HERC2: variants seen among roughly 807,000 people sequenced by gnomAD.
The protein encoded by HERC2 is E3 ubiquitin-protein ligase HERC2.
A neutral mutation model predicts 537.7 loss-of-function variants in HERC2; 102 were observed. That is an observed-to-expected ratio of 0.19 (90% CI 0.16 to 0.22). The LOEUF (loss-of-function observed/expected upper bound fraction) is 0.22. Ranked by LOEUF, HERC2 falls within the 10% of genes least tolerant of loss-of-function variation. HERC2 has a pLI of 1.00. For missense variants in HERC2, 4,236 were observed against 6,198.2 expected (o/e 0.68, Z 10.63); for synonymous variants, 2,224 against 2,466.2 (o/e 0.90, Z 2.91).
At chr15:28,225,883 G>A (rs61146234) in intron 35 of HERC2, among the ~76,000 whole-genome samples, 11,430 of 152,006 alleles carry the variant, frequency 0.075, 1,479 homozygotes, top group African/African-American at 0.26. Flanking sequence ...TAAATTACCC[G>A]AACTGACTCA....
rs1028288068 is a variant in HERC2, at chr15:28,311,161, T to C, written c.72+10201A>G. On this transcript the variant is annotated intron_variant, in intron 2 of 92. Transcript: ENST00000261609. ...GACAGTAGAAGTCAAGACAGGGAAG[T>C]ACAGTCTTTAAGATTATTTCAGGCA... Among the ~76,000 whole-genome samples the C allele has an allele frequency of 2.2e-5, 3 of 133,408 alleles. No homozygotes were observed. In the Admixed American group the frequency reaches 2.3e-4, roughly 10 times the overall value. 87.5% of individuals were successfully genotyped at this position (133,408 alleles called of 152,430 possible). A position where few individuals can be genotyped will look rare whatever the true frequency, so the allele number is the denominator to read the frequency against.
At chr15:28,130,737 T>C (rs1007996072) in intron 81 of HERC2, 143 bp from the exon 82 acceptor site, 1 of 707,202 alleles carries the variant, frequency 1.4e-6, no homozygotes, top group South Asian at 1.7e-5. Flanking sequence ...TAAAATCATA[T>C]TCCACTTAAT....
In HERC2 at chr15:28,111,745, C is replaced by T. The variant is rs868222955; in HGVS notation, c.*18G>A. 9 of 1,610,826 alleles carry T rather than the reference C, an allele frequency of 5.6e-6. No individual in the cohort carries two copies. Among genetic ancestry groups the T allele is most frequent in the Middle Eastern group, 3.3e-4 (2 of 6,046 alleles). On this transcript the variant is annotated 3_prime_UTR_variant, in exon 93 of 93. Coordinates refer to ENST00000261609, the MANE Select transcript of HERC2 (RefSeq NM_004667.6). ...CTGCCTGGCTCAGGCTCTCATCTCA[C>T]GAGGACGTTTCCCCATCTTAGTGTC...
chr15:28,257,352 C>A, intron 16 of HERC2, 91 bp from the exon 17 acceptor site: 2 of 1,040,260 alleles, frequency 1.9e-6, no homozygotes, highest in Non-Finnish European at 2.9e-6. Context: ...ATGGAGCTGC[C>A]TTATACTATT....
chr15:28,277,617 T>C (rs1197874412), intron 5 of HERC2, among the ~76,000 whole-genome samples: 1 of 152,098 alleles, frequency 6.6e-6, no homozygotes, highest in Non-Finnish European at 1.5e-5. Context: ...GCTGAGGGAA[T>C]TCAGTTTGAT....
chr15:28,193,700 A>G (rs1487760454), intron 52 of HERC2, among the ~76,000 whole-genome samples: 1 of 152,204 alleles, frequency 6.6e-6, no homozygotes, highest in Non-Finnish European at 1.5e-5. Context: ...TGAAAAGCAG[A>G]CGAAGGAAAA....
intron 2 of HERC2, among the ~76,000 whole-genome samples, chr15:28,314,818 G>A (rs1337208653): frequency 1.4e-4 from 21 of 150,972 alleles, no homozygotes; most frequent in Admixed American, 2.6e-4. Flanking sequence ...CCAAGATCGC[G>A]CCACTGCACT....
rs1051861030 is a variant in HERC2, at chr15:28,176,538, G to A, written c.9576C>T (p.Gly3192=). 13 of 1,614,062 alleles carry A rather than the reference G, an allele frequency of 8.1e-6. No homozygotes were observed. In the Admixed American group the frequency reaches 1.0e-4, roughly 12 times the overall value. Residue 3192 remains glycine, a synonymous_variant, in exon 63 of 93, where the codon GGC becomes GGT. Transcript: ENST00000261609. The surrounding 1 kb of genome is among the most constrained non-coding windows in gnomAD (Gnocchi z 5.0). ...FGKLGRGGSE[G]CNIPQNIERL... is the part of the protein sequence containing the mutation. Reference sequence around the variant, plus strand: ...TCTCAATGTTCTGGGGAATGTTACAGCCTTCACTTCCGCCCCGGCCCAGTT... The same window carrying A: ...TCTCAATGTTCTGGGGAATGTTACAACCTTCACTTCCGCCCCGGCCCAGTT...
In HERC2 at chr15:28,222,033, C is replaced by T. The variant is rs760780779; in HGVS notation, c.5647G>A (p.Asp1883Asn). The T allele has an allele frequency of 4.3e-6, 5 of 1,164,502 alleles. No individual in the cohort carries two copies. Among genetic ancestry groups the T allele is most frequent in the Admixed American group, 1.7e-5 (1 of 59,492 alleles). 72.1% of individuals were successfully genotyped at this position (1,164,502 alleles called of 1,614,324 possible). ...CACATCAAATCTCTGAGTACCTGATCGCCCCATTTCCAGTCCACACCTCTC... is the reference window on the plus strand; with the variant it reads ...CACATCAAATCTCTGAGTACCTGATTGCCCCATTTCCAGTCCACACCTCTC... ...VMRGVDWKWGDQDGPPPGLGR... is the reference protein window; with the variant it reads ...VMRGVDWKWGNQDGPPPGLGR... The change falls in exon 36 of 93, where the codon GAT becomes AAT. Residue 1883 changes from aspartate to asparagine, a missense_variant. Coordinates refer to ENST00000261609, the MANE Select transcript of HERC2 (RefSeq NM_004667.6).
In HERC2 at chr15:28,322,139, G is replaced by A. The variant is rs1346794061; in HGVS notation, c.-96C>T. 1 of 66,326 alleles carries A rather than the reference G, an allele frequency of 1.5e-5. No individual in the cohort carries two copies. Among genetic ancestry groups the A allele is most frequent in the Non-Finnish European group, 2.9e-5 (1 of 34,952 alleles). 4.1% of individuals were successfully genotyped at this position (66,326 alleles called of 1,614,324 possible). On this transcript the variant is annotated 5_prime_UTR_variant, in exon 1 of 93. Coordinates refer to ENST00000261609, the MANE Select transcript of HERC2 (RefSeq NM_004667.6). ...CGGACGCAGCCTCCCAAGAGCCGCT[G>A]GCTCAGCCGGCGCCCGCGATCCCGG...
chr15:28,272,102 C>G (rs2075745843), intron 9 of HERC2, 113 bp downstream of exon 9: 4 of 988,366 alleles, frequency 4.0e-6, no homozygotes, highest in Non-Finnish European at 5.9e-6. Flanking sequence ...CTATTACCAC[C>G]AAACACACAC....
intron 57 of HERC2, among the ~76,000 whole-genome samples, chr15:28,179,933 A>T (rs988762953): frequency 2.6e-4 from 40 of 152,262 alleles, no homozygotes; most frequent in African/African-American, 8.9e-4. Flanking sequence ...TAAAAAGTGA[A>T]AAGTTCATAA....
At chr15:28,290,164 A>G (rs1427448333) in intron 4 of HERC2, among the ~76,000 whole-genome samples, 3 of 152,248 alleles carry the variant, frequency 2.0e-5, no homozygotes, top group South Asian at 4.1e-4. Context: ...AAACTAATGC[A>G]GTAAGCCAAC....
At chr15:28,225,840 A>G (rs1326069027) in intron 35 of HERC2, among the ~76,000 whole-genome samples, 2 of 152,212 alleles carry the variant, frequency 1.3e-5, no homozygotes, top group Non-Finnish European at 2.9e-5. Context: ...CAAATAAAAT[A>G]GCCTAGATAA....
At chr15:28,179,418 G>A (rs1035842156) in intron 57 of HERC2, among the ~76,000 whole-genome samples, 195 bp from the exon 58 acceptor site, 1 of 152,200 alleles carries the variant, frequency 6.6e-6, no homozygotes, top group Admixed American at 6.5e-5. Flanking sequence ...CTGCCTAGTG[G>A]TGTCCTGGCC....
Position 28,111,922 on chromosome 15 carries a change from C to G in HERC2, c.14346G>C (p.Lys4782Asn). The change falls in exon 93 of 93, where the codon AAG becomes AAC. Residue 4782 changes from lysine to asparagine, a missense_variant. Lys to Asn is a moderately conservative substitution (Grantham distance 94, BLOSUM62 0). Around this residue, in one of 27 missense-constraint regions of HERC2, gnomAD observed 313 missense variants for 462.6 expected, o/e 0.68. Transcript: ENST00000261609. Reference protein sequence around the residue: ...SCKQVLEEKLKYAIHFCKSID... With the variant: ...SCKQVLEEKLNYAIHFCKSID... ...TGGACTTGCAGAAGTGGATGGCGTA[C>G]TTGAGCTTCTCCTCCAGCACCTGCT... is the stretch of plus-strand genomic sequence containing the variant. The G allele has an allele frequency of 6.2e-7, 1 of 1,614,172 alleles. No homozygotes were observed. The highest frequency in any genetic ancestry group is 8.5e-7 in the Non-Finnish European group (1 of 1,180,048).
Position 28,246,049 on chromosome 15 carries a change from G to A in HERC2, c.3409C>T (p.Leu1137=). 1 of 1,602,840 alleles carries A rather than the reference G, an allele frequency of 6.2e-7. No homozygotes were observed. The highest frequency in any genetic ancestry group is 8.5e-7 in the Non-Finnish European group (1 of 1,173,312). The part of the protein sequence containing the change: ...GDFTGVLLPE[L]VVSIVLLLSK... ...AGCAGAAGCACTATAGAAACTACTAGTTCTGGAAGGAGAACACCTACATTT... is the reference window on the plus strand; with the variant it reads ...AGCAGAAGCACTATAGAAACTACTAATTCTGGAAGGAGAACACCTACATTT... The change falls in exon 23 of 93, where the codon CTA becomes TTA. Residue 1137 remains leucine (L), a synonymous_variant. Transcript: ENST00000261609.
intron 23 of HERC2, among the ~76,000 whole-genome samples, chr15:28,241,098 G>T (rs1373816339): frequency 6.6e-6 from 1 of 152,128 alleles, no homozygotes; most frequent in Non-Finnish European, 1.5e-5. Context: ...AGGCTATCAA[G>T]AGTGAAACAG....
intron 63 of HERC2, among the ~76,000 whole-genome samples, chr15:28,175,907 A>C (rs961350272): frequency 5.9e-5 from 9 of 152,202 alleles, no homozygotes; most frequent in Admixed American, 5.9e-4. Context: ...GTTTTCATAT[A>C]AAGAGACTGA....
Sources: gnomAD v4.1 joint callset for allele counts (sites outside exome capture counted in the v4.1 genomes callset) on GRCh38, gnomAD v4.1.1 for gene constraint, gnomAD v4.1.1 regional missense constraint, Gnocchi (gnomAD v3.1) non-coding constraint, MANE v1.5 for transcripts, NCBI Gene and HGNC (gene_info 2026-07-23, HGNC 2026-07-21) for gene names.